BMX: variants seen among roughly 807,000 people sequenced by gnomAD.
BMX encodes cytoplasmic tyrosine-protein kinase BMX.
BMX carries 31 observed loss-of-function variants against 59.2 expected under a neutral mutation model. That is an observed-to-expected ratio of 0.52 (90% CI 0.39 to 0.71). BMX has a LOEUF of 0.71. Among genes scored for constraint, BMX ranks in the 30% least tolerant of loss-of-function variants. The probability of loss-of-function intolerance (pLI) is 0.00; values close to 1 mark genes in which losing one functional copy is unlikely to be tolerated. For synonymous variants in BMX, 185 were observed against 181.0 expected (o/e 1.02, Z -0.18); for missense variants, 474 against 491.7 (o/e 0.96, Z 0.34).
At chrX:15,509,751 A>G (rs1923881427) in intron 3 of BMX, among the ~76,000 whole-genome samples, 1 of 111,114 alleles carries the variant, frequency 9.0e-6, no homozygotes, top group Non-Finnish European at 1.9e-5. Flanking sequence ...GGGGAACAAA[A>G]CACTGCCCCT....
intron 10 of BMX, among the ~76,000 whole-genome samples, chrX:15,530,867 A>G (rs980071118): frequency 8.9e-6 from 1 of 112,147 alleles, no homozygotes; most frequent in African/African-American, 3.2e-5. Context: ...GAATGTAATG[A>G]CTTCATTTGG....
At position 15,530,036 on chromosome X, in the gene BMX, T is replaced by G; in HGVS notation, c.939+9T>G. 8.3e-7 allele frequency: 1 copy of G among 1,200,972 alleles called. No individual in the cohort carries two copies. The highest frequency in any genetic ancestry group is 1.1e-6 in the Non-Finnish European group (1 of 886,855). ...AGTTACTCAGACAAAAGGTAAATAG[T>G]CTTGTCTTTAAAACAGCCTCACAGA... On this transcript the variant is annotated intron_variant, in intron 10 of 18. Transcript: ENST00000348343.
rs1285065649 is a variant in BMX at position 15,527,283 on chromosome X, T to TATATATATAGAC, written c.884+1189_884+1190insTATATATAGACA. Among the ~76,000 whole-genome samples, 7 of 65,870 alleles carry TATATATATAGAC rather than the reference T, an allele frequency of 1.1e-4. 1 individual carries two copies. The highest frequency in any genetic ancestry group is 4.7e-4 in the African/African-American group (7 of 14,945). 57.2% of individuals were successfully genotyped at this position (65,870 alleles called of 115,157 possible). A position where few individuals can be genotyped will look rare whatever the true frequency, so the allele number is the denominator to read the frequency against. On this transcript the variant is annotated intron_variant, in intron 9 of 18. Transcript: ENST00000348343. ...ATATATATATATATATATATATATA[T>TATATATATAGAC]ACACACACACACACACACATATATA...
chrX:15,550,665 TACACACACACAC>T (rs58905214), intron 18 of BMX, among the ~76,000 whole-genome samples: 2,316 of 86,745 alleles, frequency 0.027, 41 homozygotes, highest in African/African-American at 0.065. Flanking sequence ...TCAAAGTCTT[TACACACACACAC>T]ACACACACAC....
chrX:15,522,036 G>A (rs924784411), intron 6 of BMX, among the ~76,000 whole-genome samples: 1 of 110,896 alleles, frequency 9.0e-6, no homozygotes, highest in East Asian at 2.8e-4. Flanking sequence ...GTATATATAC[G>A]TAAAATTTAT....
intron 12 of BMX, 32 bp from the exon 13 acceptor site, chrX:15,536,321 G>A: frequency 8.4e-7 from 1 of 1,184,457 alleles, no homozygotes; most frequent in Non-Finnish European, 1.1e-6. Context: ...ATGATATAAT[G>A]ATGTGATGAT....
At chrX:15,551,345 G>A (rs970948618) in intron 18 of BMX, among the ~76,000 whole-genome samples, 11 of 110,971 alleles carry the variant, frequency 9.9e-5, no homozygotes, top group African/African-American at 3.3e-4. Context: ...GAATCCTGTC[G>A]TGATCACTTA....
At chrX:15,518,220 G>T (rs1395267043) in intron 6 of BMX, among the ~76,000 whole-genome samples, 1 of 107,154 alleles carries the variant, frequency 9.3e-6, no homozygotes, top group African/African-American at 3.4e-5. Context: ...TCTTTTCCTA[G>T]CCAGTAAGCC....
rs139667761 is a variant in BMX at position 15,545,206 on chromosome X, C to A, written c.1677-1597C>A. On this transcript the variant is annotated intron_variant, in intron 16 of 18. Coordinates refer to ENST00000348343, the MANE Select transcript of BMX (RefSeq NM_203281.3). The stretch of plus-strand genomic sequence containing the variant: ...CAAAGGAAAGGATTCATCTGAGGGG[C>A]ATAAGGCAGAGAGAGAGACTGAGGC... 4.7e-3 allele frequency among the ~76,000 whole-genome samples: 524 copies of A among 112,088 alleles called. 3 individuals carry two copies. Among genetic ancestry groups the A allele is most frequent in the African/African-American group, 0.016 (506 of 30,856 alleles).
intron 6 of BMX, among the ~76,000 whole-genome samples, chrX:15,520,775 G>A: frequency 9.0e-6 from 1 of 110,795 alleles, no homozygotes; most frequent in Non-Finnish European, 1.9e-5. Context: ...TTTTCTGAAT[G>A]GAGGAAATAA....
chrX:15,540,340 C>G (rs1466342014), intron 14 of BMX, among the ~76,000 whole-genome samples: 1 of 109,148 alleles, frequency 9.2e-6, no homozygotes, highest in South Asian at 4.0e-4. Flanking sequence ...AACAGAAAAC[C>G]GAACACCGCA....
chrX:15,525,528 T>C (rs1362815047), intron 8 of BMX, among the ~76,000 whole-genome samples, 163 bp downstream of exon 8: 1 of 112,044 alleles, frequency 8.9e-6, no homozygotes, highest in Admixed American at 9.5e-5. Context: ...GGATGGCTTT[T>C]GGGTTCTAGT....
chrX:15,547,635 CAGAGT>C (rs1926005762), intron 17 of BMX, among the ~76,000 whole-genome samples: 1 of 112,048 alleles, frequency 8.9e-6, no homozygotes, highest in African/African-American at 3.2e-5. Context: ...GCTACAACAG[CAGAGT>C]AGAGTAGTTG....
rs756982522 is a variant in BMX, at chrX:15,542,242, C to T, written c.1611+44C>T. 1.7e-5 allele frequency: 19 copies of T among 1,150,208 alleles called. No homozygotes were observed. The Admixed American group carries it at 2.6e-4, about 16-fold the overall frequency. The allele number at this position is 1,150,208 out of a possible 1,213,427, so 94.8% of individuals were successfully genotyped here. On this transcript the variant is annotated intron_variant, in intron 15 of 18. Coordinates refer to ENST00000348343, the MANE Select transcript of BMX (RefSeq NM_203281.3). ...ATTTCAAAGAAAAGAAAGCAGTCCA[C>T]GGCTCCCACTTCTGGAGATGGGGTC...
chrX:15,546,717 G>A (rs1569230733), intron 16 of BMX, 86 bp from the exon 17 acceptor site: 27 of 721,491 alleles, frequency 3.7e-5, no homozygotes, highest in East Asian at 1.4e-4. Context: ...TGAGGCAATC[G>A]ACTGAGACTC....
chrX:15,519,307 T>C (rs1207000821), intron 6 of BMX, among the ~76,000 whole-genome samples: 1 of 112,307 alleles, frequency 8.9e-6, no homozygotes, highest in Non-Finnish European at 1.9e-5. Context: ...CCACATAATT[T>C]TCATGAATCA....
chrX:15,543,049 T>C, intron 15 of BMX, 22 bp from the exon 16 acceptor site: 1 of 1,195,266 alleles, frequency 8.4e-7, no homozygotes. Flanking sequence ...CACTACTTGG[T>C]GATTTTGTTT....
intron 17 of BMX, 84 bp from the exon 18 acceptor site, chrX:15,549,756 T>C: frequency 2.5e-5 from 27 of 1,076,967 alleles, no homozygotes; most frequent in Non-Finnish European, 3.0e-5. Context: ...TGACCTGTTG[T>C]GTGAAACTCA....
chrX:15,550,665 TACACACACACACACAC>T lies in BMX; in HGVS notation c.1953+700_1953+715del, dbSNP rs58905214. 5.9e-3 allele frequency among the ~76,000 whole-genome samples: 514 copies of T among 86,765 alleles called. 2 individuals are homozygous for T. Among genetic ancestry groups the T allele is most frequent in the Non-Finnish European group, 9.4e-3 (418 of 44,448 alleles). The allele number at this position is 86,765 out of a possible 115,157, so 75.3% of individuals were successfully genotyped here. A position where few individuals can be genotyped will look rare whatever the true frequency, so the allele number is the denominator to read the frequency against. The stretch of plus-strand genomic sequence containing the variant: ...GTGCCCTCACTGAACTCAAAGTCTT[TACACACACACACACAC>T]ACACACACACACACACACACACACA... On this transcript the variant is annotated intron_variant, in intron 18 of 18. Coordinates refer to ENST00000348343, the MANE Select transcript of BMX (RefSeq NM_203281.3).
Sources: gnomAD v4.1 joint callset for allele counts (sites outside exome capture counted in the v4.1 genomes callset) on GRCh38, gnomAD v4.1.1 for gene constraint, MANE v1.5 for transcripts, NCBI Gene and HGNC (gene_info 2026-07-23, HGNC 2026-07-21) for gene names.